Variants in EYA2 observed in about 807,000 individuals in gnomAD.
The protein encoded by EYA2 is EYA transcriptional coactivator and phosphatase 2, also known as protein phosphatase EYA2.
A neutral mutation model predicts 69.2 loss-of-function variants in EYA2; 31 were observed. The ratio of observed to expected loss-of-function variants is 0.45; its 90% CI spans 0.34 to 0.60. The LOEUF (loss-of-function observed/expected upper bound fraction) is 0.60, where lower values mean the gene tolerates loss of function less well. Among genes scored for constraint, EYA2 ranks in the 20% least tolerant of loss-of-function variants. The pLI, the probability that EYA2 is intolerant of heterozygous loss-of-function variation, is 0.02. For synonymous variants in EYA2, 257 were observed against 279.4 expected (o/e 0.92, Z 0.80); for missense variants, 622 against 701.2 (o/e 0.89, Z 1.28).
chr20:46,951,493 T>C lies in EYA2; in HGVS notation c.-10-38508T>C, dbSNP rs139624498. On this transcript the variant is annotated intron_variant, in intron 1 of 15. Coordinates refer to ENST00000327619, the MANE Select transcript of EYA2 (RefSeq NM_005244.5). ...ACTAAACTCTGGTTGATACCAGTTATAACCTACATCCTGGGTCTGCTGGAC... is the reference window on the plus strand; with the variant it reads ...ACTAAACTCTGGTTGATACCAGTTACAACCTACATCCTGGGTCTGCTGGAC... Among the ~76,000 whole-genome samples, 5 of 152,300 alleles carry C rather than the reference T, an allele frequency of 3.3e-5. No individual in the cohort carries two copies. In the East Asian group the frequency reaches 7.7e-4, roughly 24 times the overall value.
chr20:47,183,241 A>G (rs1175316845), intron 14 of EYA2, 50 bp from the exon 15 acceptor site: 3 of 1,577,578 alleles, frequency 1.9e-6, no homozygotes, highest in South Asian at 1.1e-5. Flanking sequence ...ATTGGCTGCA[A>G]TCCGGGGTCC....
intron 1 of EYA2, among the ~76,000 whole-genome samples, chr20:46,911,356 C>A (rs1568663154): frequency 1.3e-5 from 2 of 152,122 alleles, no homozygotes; most frequent in African/African-American, 2.4e-5. Context: ...CAGGCGCTCA[C>A]CACCAGGTTG....
At chr20:47,027,342 G>T (rs1324010855) in intron 5 of EYA2, among the ~76,000 whole-genome samples, 1 of 152,218 alleles carries the variant, frequency 6.6e-6, no homozygotes, top group Non-Finnish European at 1.5e-5. Context: ...CATCCTATGG[G>T]TTGTTGGACT....
At chr20:47,139,682 G>A (rs538213756) in intron 9 of EYA2, among the ~76,000 whole-genome samples, 3 of 152,172 alleles carry the variant, frequency 2.0e-5, no homozygotes, top group South Asian at 2.1e-4. Context: ...TACCCGCCTC[G>A]GCCTCCCAAA....
chr20:47,094,875 G>A (rs939685362), intron 8 of EYA2, among the ~76,000 whole-genome samples: 5 of 151,980 alleles, frequency 3.3e-5, no homozygotes, highest in Non-Finnish European at 5.9e-5. Flanking sequence ...CAAAAAGAAA[G>A]ATCAAAAATT....
chr20:47,106,897 C>T (rs2032598126), intron 9 of EYA2, among the ~76,000 whole-genome samples: 1 of 152,064 alleles, frequency 6.6e-6, no homozygotes, highest in Admixed American at 6.5e-5. Flanking sequence ...ACTCACATCT[C>T]GCCCATGTTC....
intron 1 of EYA2, among the ~76,000 whole-genome samples, chr20:46,927,091 C>T (rs1189069350): frequency 6.6e-6 from 1 of 152,200 alleles, no homozygotes; most frequent in Non-Finnish European, 1.5e-5. Context: ...CCCAGAAGTG[C>T]TTTGGGAAGG....
intron 8 of EYA2, among the ~76,000 whole-genome samples, chr20:47,094,501 A>T (rs1270712368): frequency 6.6e-6 from 1 of 152,238 alleles, no homozygotes; most frequent in African/African-American, 2.4e-5. Flanking sequence ...AGAATCTGGG[A>T]TGCTAATACC....
intron 10 of EYA2, among the ~76,000 whole-genome samples, chr20:47,153,250 GT>G (rs1406363559): frequency 2.0e-5 from 3 of 151,964 alleles, no homozygotes; most frequent in African/African-American, 4.8e-5. Context: ...TCTTACTCGT[GT>G]TTTAGGGGAA....
At position 47,188,235 on chromosome 20, in the gene EYA2, A is replaced by C. The variant is rs2034687060; in HGVS notation, c.*102A>C. The C allele has an allele frequency of 8.6e-7, 1 of 1,158,008 alleles. No individual in the cohort carries two copies. Among genetic ancestry groups the C allele is most frequent in the Non-Finnish European group, 1.2e-6 (1 of 805,256 alleles). The allele number at this position is 1,158,008 out of a possible 1,614,324, so 71.7% of individuals were successfully genotyped here. ...AGAGACCCAGATGTTGGACACCAGG[A>C]AGGGGCCCCACAGCCGAGACGACGT... is the stretch of plus-strand genomic sequence containing the variant. On this transcript the variant is annotated 3_prime_UTR_variant, in exon 16 of 16. Coordinates refer to ENST00000327619, the MANE Select transcript of EYA2 (RefSeq NM_005244.5).
chr20:47,000,529 A>T (rs775222356), intron 2 of EYA2, among the ~76,000 whole-genome samples: 5 of 152,180 alleles, frequency 3.3e-5, no homozygotes, highest in Admixed American at 6.5e-5. Flanking sequence ...CCATCAGTAG[A>T]CACATTATCT....
intron 10 of EYA2, among the ~76,000 whole-genome samples, chr20:47,159,577 A>G (rs963672567): frequency 2.6e-5 from 4 of 152,086 alleles, no homozygotes; most frequent in Non-Finnish European, 4.4e-5. Flanking sequence ...ACACAGCACT[A>G]TCTGCTTATT....
At chr20:46,993,058 G>T (rs910530011) in intron 2 of EYA2, among the ~76,000 whole-genome samples, 10 of 152,192 alleles carry the variant, frequency 6.6e-5, no homozygotes, top group Admixed American at 6.5e-4. Flanking sequence ...ATGGAGCCAA[G>T]AAGCCCCCCA....
chr20:46,943,082 C>A (rs369619059), intron 1 of EYA2, among the ~76,000 whole-genome samples: 2 of 152,282 alleles, frequency 1.3e-5, no homozygotes, highest in East Asian at 3.9e-4. Flanking sequence ...CTGAATTAAT[C>A]GGTGCAGAGC....
At chr20:47,058,067 A>G (rs2030718455) in intron 5 of EYA2, among the ~76,000 whole-genome samples, 2 of 152,154 alleles carry the variant, frequency 1.3e-5, no homozygotes, top group Admixed American at 6.5e-5. Flanking sequence ...CCAACAACTG[A>G]AAGTCTTCCA....
At chr20:47,171,906 A>G (rs2034329090) in intron 11 of EYA2, among the ~76,000 whole-genome samples, 2 of 152,048 alleles carry the variant, frequency 1.3e-5, no homozygotes, top group Admixed American at 1.3e-4. Flanking sequence ...AGCCTGGCCA[A>G]CATGGTGAAA....
At chr20:47,019,706 C>T (rs1983628309) in intron 5 of EYA2, among the ~76,000 whole-genome samples, 1 of 151,894 alleles carries the variant, frequency 6.6e-6, no homozygotes, top group African/African-American at 2.4e-5. Flanking sequence ...TAATTTTGGC[C>T]CATAATCCCA....
rs375705643 is a variant in EYA2 at position 47,163,793 on chromosome 20, G to A, written c.979-5346G>A. 3.1e-4 allele frequency among the ~76,000 whole-genome samples: 47 copies of A among 150,078 alleles called. No homozygotes were observed. In the South Asian group the frequency reaches 7.8e-3, roughly 25 times the overall value. On this transcript the variant is annotated intron_variant, in intron 10 of 15. Transcript: ENST00000327619. Reference sequence around the variant, plus strand: ...GATATACCACATTTTATTTAGCTACGACCTCATCAAGGGAACTTTAGGTGT... The same window carrying A: ...GATATACCACATTTTATTTAGCTACAACCTCATCAAGGGAACTTTAGGTGT...
At chr20:47,144,073 A>G (rs2033653399) in intron 10 of EYA2, among the ~76,000 whole-genome samples, 1 of 152,182 alleles carries the variant, frequency 6.6e-6, no homozygotes, top group Admixed American at 6.5e-5. Context: ...AGTAAAGGCA[A>G]CCGGCCGGGC....
Sources: allele counts gnomAD v4.1 joint callset (sites outside exome capture counted in the v4.1 genomes callset), GRCh38; gene constraint gnomAD v4.1.1; transcripts MANE v1.5; gene names NCBI Gene and HGNC (gene_info 2026-07-23, HGNC 2026-07-21).